Variants in ZFP30 observed in about 807,000 individuals in gnomAD.
The protein encoded by ZFP30 is ZFP30 zinc finger protein, also known as zinc finger protein 30 homolog.
A neutral mutation model predicts 12.3 loss-of-function variants in ZFP30; 16 were observed. The observed-to-expected ratio is 1.30, with a 90% CI of 0.88 to 1.98. The LOEUF (loss-of-function observed/expected upper bound fraction) is 1.98, where lower values mean the gene tolerates loss of function less well. ZFP30 is among the 30% of genes most tolerant of loss of function. The pLI, the probability that ZFP30 is intolerant of heterozygous loss-of-function variation, is 0.00. For missense variants in ZFP30, 560 were observed against 611.2 expected (o/e 0.92, Z 0.88); for synonymous variants, 172 against 201.0 (o/e 0.86, Z 1.22).
intron 2 of ZFP30, among the ~76,000 whole-genome samples, chr19:37,654,193 T>C (rs2044707240): frequency 6.6e-6 from 1 of 152,150 alleles, no homozygotes; most frequent in Non-Finnish European, 1.5e-5. Flanking sequence ...GCAGTCAGGA[T>C]TCAATTCCAC....
chr19:37,654,365 AC>A (rs1421610180), intron 2 of ZFP30, among the ~76,000 whole-genome samples: 3 of 152,134 alleles, frequency 2.0e-5, no homozygotes, highest in African/African-American at 4.8e-5. Context: ...CTCCACTCCT[AC>A]CCCAGAACCA....
At chr19:37,653,641 T>C (rs555451332) in intron 2 of ZFP30, among the ~76,000 whole-genome samples, 184 of 152,332 alleles carry the variant, frequency 1.2e-3, no homozygotes, top group African/African-American at 4.2e-3. Flanking sequence ...TCCATACTGC[T>C]AGATATTAAT....
intron 2 of ZFP30, among the ~76,000 whole-genome samples, chr19:37,651,704 C>A (rs904006705): frequency 2.6e-5 from 4 of 152,082 alleles, no homozygotes; most frequent in Admixed American, 6.6e-5. Flanking sequence ...CCTAAATATG[C>A]CTAACTCTGA....
chr19:37,635,088 G>C lies in ZFP30; in HGVS notation c.1453C>G (p.Gln485Glu), dbSNP rs2044292421. The change falls in exon 6 of 6, where the codon CAG becomes GAG. Residue 485 changes from glutamine (Q) to glutamate (E), a missense_variant. Transcript: ENST00000684514. ...FRLHSSLIQH[Q>E]RIHSGEKPYK... ...GGTTTCTCACCAGAATGAATTCTCT[G>C]ATGTTGAATCAGTGATGAATGAAGT... 2.5e-6 allele frequency: 4 copies of C among 1,613,558 alleles called. No individual in the cohort carries two copies. The highest frequency in any genetic ancestry group is 3.4e-6 in the Non-Finnish European group (4 of 1,179,772).
intron 5 of ZFP30, among the ~76,000 whole-genome samples, 192 bp downstream of exon 5, chr19:37,643,073 A>G (rs866608677): frequency 1.4e-4 from 21 of 145,044 alleles, no homozygotes; most frequent in African/African-American, 3.5e-4. Context: ...AAAAAAAAAG[A>G]AAAAAAAAGA....
rs1306953448 is a variant in ZFP30 at position 37,635,076 on chromosome 19, A to T, written c.1465T>A (p.Ser489Thr). The change falls in exon 6 of 6, where the codon TCT becomes ACT. Residue 489 changes from serine to threonine, a missense_variant. Coordinates refer to ENST00000684514, the MANE Select transcript of ZFP30 (RefSeq NM_001320669.3). ...TTACATTTGTATGGTTTCTCACCAGAATGAATTCTCTGATGTTGAATCAGT... is the reference window on the plus strand; with the variant it reads ...TTACATTTGTATGGTTTCTCACCAGTATGAATTCTCTGATGTTGAATCAGT... ...SSLIQHQRIH[S>T]GEKPYKCKEC... The T allele has an allele frequency of 1.2e-6, 2 of 1,613,204 alleles. No homozygotes were observed. The highest frequency in any genetic ancestry group is 1.7e-6 in the Non-Finnish European group (2 of 1,179,614).
chr19:37,642,529 A>T (rs990041632), intron 5 of ZFP30, among the ~76,000 whole-genome samples: 15 of 152,114 alleles, frequency 9.9e-5, no homozygotes, highest in Non-Finnish European at 1.5e-4. Context: ...TTACTTCAGG[A>T]TATTTTAGTA....
At chr19:37,636,392 A>AG in intron 5 of ZFP30, 87 bp from the exon 6 acceptor site, 1 of 1,254,550 alleles carries the variant, frequency 8.0e-7, no homozygotes, top group South Asian at 1.9e-5. Context: ...GGTGACCAAA[A>AG]AAAAAAAAAA....
rs1382778600 is a variant in ZFP30 at position 37,635,734 on chromosome 19, G to T, written c.807C>A (p.Pro269=). 6.2e-7 allele frequency: 1 copy of T among 1,614,124 alleles called. No individual in the cohort carries two copies. The highest frequency in any genetic ancestry group is 1.7e-5 in the Admixed American group (1 of 60,014). ...CCTTCCCACATTCTTTACATTCATA[G>T]GGTTTCTCACCCGTGTGAATCCTTT... ...LHQRIHTGEK[P]YECKECGKAF... Residue 269 remains proline (P), a synonymous_variant, in exon 6 of 6, where the codon CCC becomes CCA. Transcript: ENST00000684514.
At chr19:37,637,708 G>A (rs976692691) in intron 5 of ZFP30, among the ~76,000 whole-genome samples, 4 of 151,858 alleles carry the variant, frequency 2.6e-5, no homozygotes, top group Non-Finnish European at 5.9e-5. Flanking sequence ...GGCTGATCTC[G>A]AACTCCTGTC....
rs1449137139 is a variant in ZFP30, at chr19:37,634,298, G to C, written c.*683C>G. The C allele has an allele frequency of 6.6e-6, 1 of 152,124 alleles. No individual in the cohort carries two copies. Among genetic ancestry groups the C allele is most frequent in the East Asian group, 1.9e-4 (1 of 5,196 alleles). 9.4% of individuals were successfully genotyped at this position (152,124 alleles called of 1,614,324 possible). A position where few individuals can be genotyped will look rare whatever the true frequency, so the allele number is the denominator to read the frequency against. On this transcript the variant is annotated 3_prime_UTR_variant, in exon 6 of 6. Coordinates refer to ENST00000684514, the MANE Select transcript of ZFP30 (RefSeq NM_001320669.3). Reference sequence around the variant, plus strand: ...AATTCAGGTTCAATATTTTTGGCAAGATGTGTATATCTTACTGTAGCACAT... The same window carrying C: ...AATTCAGGTTCAATATTTTTGGCAACATGTGTATATCTTACTGTAGCACAT...
intron 3 of ZFP30, among the ~76,000 whole-genome samples, chr19:37,645,129 T>C (rs2044516158): frequency 6.6e-6 from 1 of 151,242 alleles, no homozygotes; most frequent in African/African-American, 2.4e-5. Flanking sequence ...GGTGTGAACC[T>C]GGAAGACGGA....
At chr19:37,640,629 G>A (rs1337723449) in intron 5 of ZFP30, among the ~76,000 whole-genome samples, 1 of 151,426 alleles carries the variant, frequency 6.6e-6, no homozygotes, top group Non-Finnish European at 1.5e-5. Flanking sequence ...GCTCACACCT[G>A]TAATACAAGC....
intron 5 of ZFP30, 55 bp from the exon 6 acceptor site, chr19:37,636,360 C>T (rs534192618): frequency 2.2e-4 from 285 of 1,301,644 alleles, no homozygotes; most frequent in Middle Eastern, 2.9e-4. Flanking sequence ...AATAAACAAA[C>T]GAAAACTTTA....
At position 37,633,143 on chromosome 19, in the gene ZFP30, C is replaced by A. The variant is rs1000312596; in HGVS notation, c.*1838G>T. On this transcript the variant is annotated 3_prime_UTR_variant, in exon 6 of 6. Transcript: ENST00000684514. ...CCGAGACTGTGCCACTGCACGCCAGCCTGGGCGAAAGAGCGAGACTCCGTC... is the reference window on the plus strand; with the variant it reads ...CCGAGACTGTGCCACTGCACGCCAGACTGGGCGAAAGAGCGAGACTCCGTC... 3 of 148,888 alleles carry A rather than the reference C, an allele frequency of 2.0e-5. No homozygotes were observed. Among genetic ancestry groups the A allele is most frequent in the African/African-American group, 7.4e-5 (3 of 40,428 alleles). The allele number at this position is 148,888 out of a possible 1,614,324, so 9.2% of individuals were successfully genotyped here.
intron 3 of ZFP30, among the ~76,000 whole-genome samples, chr19:37,646,396 A>AAT (rs1419436433): frequency 2.0e-5 from 3 of 152,218 alleles, no homozygotes; most frequent in African/African-American, 7.2e-5. Context: ...TTCAATGCCC[A>AAT]ATATTCTAGT....
intron 3 of ZFP30, among the ~76,000 whole-genome samples, chr19:37,645,772 A>T (rs896119392): frequency 1.3e-5 from 2 of 151,614 alleles, no homozygotes; most frequent in African/African-American, 2.4e-5. Flanking sequence ...AAATAATAAT[A>T]ATTGATGGTA....
At chr19:37,649,772 C>G (rs2147287532) in intron 2 of ZFP30, among the ~76,000 whole-genome samples, 1 of 151,304 alleles carries the variant, frequency 6.6e-6, no homozygotes, top group East Asian at 2.0e-4. Context: ...TGCAGTGAGC[C>G]CCGTTCATGC....
At chr19:37,650,586 T>G (rs2044629272) in intron 2 of ZFP30, among the ~76,000 whole-genome samples, 1 of 152,196 alleles carries the variant, frequency 6.6e-6, no homozygotes, top group Admixed American at 6.5e-5. Flanking sequence ...AAAAACATGC[T>G]AATATTTCCA....
Sources: allele counts gnomAD v4.1 joint callset (sites outside exome capture counted in the v4.1 genomes callset), GRCh38; gene constraint gnomAD v4.1.1; transcripts MANE v1.5; gene names NCBI Gene and HGNC (gene_info 2026-07-23, HGNC 2026-07-21).